The following ANXA4 variants were observed in gnomAD, a reference collection of about 807,000 sequenced individuals.
ANXA4 encodes the protein annexin A4, also known as 35-beta calcimedin.
In ANXA4, 39 loss-of-function variants were observed where a neutral mutation model predicts 49.8. The observed-to-expected ratio is 0.78, with a 90% CI of 0.61 to 1.02. The LOEUF is 1.02. ANXA4 is among the 50% of genes least tolerant of loss of function. The pLI is 0.00. For missense variants in ANXA4, 360 were observed against 410.1 expected, an observed-to-expected ratio of 0.88 and a Z score of 1.05; for synonymous variants, 134 against 152.5, an observed-to-expected ratio of 0.88 and a Z score of 0.89.
intron 2 of ANXA4, among the ~76,000 whole-genome samples, chr2:69,653,898 G>A (rs1330902795): frequency 6.6e-6 from 1 of 152,178 alleles, no homozygotes; most frequent in African/African-American, 2.4e-5. Flanking sequence ...TCACAATATT[G>A]ATTCTTTCTA....
chr2:69,690,694 C>A (rs1677935128), intron 2 of ANXA4, among the ~76,000 whole-genome samples: 2 of 152,158 alleles, frequency 1.3e-5, no homozygotes. Flanking sequence ...CCCCTTGAAA[C>A]CTTATTCCTT....
chr2:69,718,550 A>G (rs1669713917), intron 2 of ANXA4, among the ~76,000 whole-genome samples: 1 of 152,194 alleles, frequency 6.6e-6, no homozygotes, highest in Non-Finnish European at 1.5e-5. Context: ...AATTACTTAC[A>G]CTTTCCAGAA....
At chr2:69,647,163 C>G (rs1573045861) in intron 1 of ANXA4, among the ~76,000 whole-genome samples, 1 of 152,030 alleles carries the variant, frequency 6.6e-6, no homozygotes. Context: ...AATTTGTGTT[C>G]CACTTTTTCC....
chr2:69,735,597 G>A (rs2105454553), intron 3 of ANXA4, among the ~76,000 whole-genome samples: 1 of 129,248 alleles, frequency 7.7e-6, no homozygotes, highest in African/African-American at 2.8e-5. Flanking sequence ...GGGGAGACTT[G>A]CCACTCTGGG....
At chr2:69,748,775 A>G (rs1340424267) in intron 1 of ANXA4, among the ~76,000 whole-genome samples, 1 of 148,442 alleles carries the variant, frequency 6.7e-6, no homozygotes, top group Non-Finnish European at 1.5e-5. Context: ...TAGTGGCATG[A>G]TCGTGGCTCA....
At chr2:69,663,584 C>G (rs1457769037) in intron 2 of ANXA4, among the ~76,000 whole-genome samples, 2 of 151,904 alleles carry the variant, frequency 1.3e-5, no homozygotes, top group African/African-American at 4.8e-5. Flanking sequence ...TGCTTGAGCC[C>G]AGTTTGAGGT....
chr2:69,684,097 C>T (rs369527160), intron 2 of ANXA4, among the ~76,000 whole-genome samples: 5 of 152,184 alleles, frequency 3.3e-5, no homozygotes, highest in African/African-American at 7.2e-5. Context: ...TTGTGATTTG[C>T]GAGCTCAGAA....
intron 10 of ANXA4, 68 bp from the exon 11 acceptor site, chr2:69,819,212 T>C (rs1674127990): frequency 1.7e-6 from 2 of 1,166,014 alleles, no homozygotes; most frequent in East Asian, 5.0e-5. Context: ...AGGAAACAAC[T>C]GTCACTTTTC....
At chr2:69,778,799 A>G (rs1283971850) in intron 1 of ANXA4, among the ~76,000 whole-genome samples, 8 of 148,682 alleles carry the variant, frequency 5.4e-5, no homozygotes, top group South Asian at 2.1e-4. Flanking sequence ...AAAAAAAAAA[A>G]AAAAGAGAAA....
intron 3 of ANXA4, among the ~76,000 whole-genome samples, chr2:69,789,848 C>T (rs1369663040): frequency 6.6e-6 from 1 of 152,098 alleles, no homozygotes; most frequent in Non-Finnish European, 1.5e-5. Context: ...GGGAGAGTTT[C>T]TGTGTCTGTT....
intron 2 of ANXA4, among the ~76,000 whole-genome samples, chr2:69,702,296 A>C (rs1678355199): frequency 1.3e-5 from 2 of 152,160 alleles, no homozygotes; most frequent in Admixed American, 6.5e-5. Flanking sequence ...TACAGGTGTG[A>C]GCCACTGCAC....
intron 3 of ANXA4, among the ~76,000 whole-genome samples, chr2:69,727,331 C>G (rs1178025911): frequency 6.6e-6 from 1 of 152,214 alleles, no homozygotes; most frequent in Non-Finnish European, 1.5e-5. Context: ...TGCTGCCAAA[C>G]TGTTTCTCAG....
chr2:69,651,823 G>A lies in ANXA4; in HGVS notation n.482-1175G>A, dbSNP rs1235517189. Among the ~76,000 whole-genome samples the A allele has an allele frequency of 4.0e-4, 21 of 52,172 alleles. No individual in the cohort carries two copies. The South Asian group carries it at 7.3e-3, about 18-fold the overall frequency. The allele number at this position is 52,172 out of a possible 152,430, so 34.2% of individuals were successfully genotyped here. A position where few individuals can be genotyped will look rare whatever the true frequency, so the allele number is the denominator to read the frequency against. ...GGCTTTTTTTTTTTTTTTTTGGGGG[G>A]GGGGGGCGGGGAGACAGAGTCTCAC... is the stretch of plus-strand genomic sequence containing the variant. On this transcript the variant is annotated intron_variant and non_coding_transcript_variant, in intron 1 of 3. Coordinates refer to the ANXA4 transcript ENST00000418066.
intron 2 of ANXA4, among the ~76,000 whole-genome samples, chr2:69,684,151 A>G (rs1212312306): frequency 6.6e-6 from 1 of 152,214 alleles, no homozygotes; most frequent in African/African-American, 2.4e-5. Flanking sequence ...AAAAATTCTC[A>G]AGTCCAATTA....
chr2:69,797,800 C>G (rs1019760317), intron 3 of ANXA4, among the ~76,000 whole-genome samples: 22 of 152,206 alleles, frequency 1.4e-4, no homozygotes, highest in African/African-American at 5.3e-4. Context: ...CTCCCACTTG[C>G]AGAGGGGGCA....
At chr2:69,697,908 G>C (rs1399262612) in intron 2 of ANXA4, among the ~76,000 whole-genome samples, 1 of 150,582 alleles carries the variant, frequency 6.6e-6, no homozygotes, top group Non-Finnish European at 1.5e-5. Context: ...ACTTTGAAAG[G>C]CTGAGATGGG....
At chr2:69,741,131 T>C (rs928597033), upstream of ANXA4, among the ~76,000 whole-genome samples, 1 of 152,254 alleles carries the variant, frequency 6.6e-6, no homozygotes, top group Non-Finnish European at 1.5e-5. Flanking sequence ...AATTTAATGT[T>C]ACCTCTCCAG....
At chr2:69,746,705 G>C (rs1244760121) in intron 1 of ANXA4, among the ~76,000 whole-genome samples, 1 of 151,776 alleles carries the variant, frequency 6.6e-6, no homozygotes, top group East Asian at 1.9e-4. Flanking sequence ...TGCTTGACGT[G>C]AAAAAACAGA....
At chr2:69,685,888 A>G (rs1183091261) in intron 2 of ANXA4, among the ~76,000 whole-genome samples, 1 of 152,134 alleles carries the variant, frequency 6.6e-6, no homozygotes, top group Admixed American at 6.5e-5. Flanking sequence ...CAATCTCTGT[A>G]GTGTAAATAC....
Sources: allele counts gnomAD v4.1 joint callset (sites outside exome capture counted in the v4.1 genomes callset), GRCh38; gene constraint gnomAD v4.1.1; transcripts MANE v1.5; gene names NCBI Gene and HGNC (gene_info 2026-07-23, HGNC 2026-07-21).